The following DRC9 variants were observed in gnomAD, a reference collection of about 807,000 sequenced individuals.
The protein encoded by DRC9 is dynein regulatory complex subunit 9.
chr3:197,901,385 CT>C, the DRC9 span, among the ~76,000 whole-genome samples: 1 of 152,204 alleles, frequency 6.6e-6, no homozygotes, highest in African/African-American at 2.4e-5. The surrounding 1 kb of genome is among the most constrained non-coding windows in gnomAD (Gnocchi z 4.4). Context: ...TGATCCACCC[CT>C]CTCAGCCTCT....
chr3:197,955,619 C>A, the DRC9 span: 1 of 808,382 alleles, frequency 1.2e-6, no homozygotes, highest in Non-Finnish European at 2.2e-6. Context: ...AGACTGAAGG[C>A]TATAAAAACT....
chr3:197,891,662 T>A, the DRC9 span: 1 of 483,968 alleles, frequency 2.1e-6, no homozygotes, highest in African/African-American at 2.0e-5. Flanking sequence ...AATCTAAAGA[T>A]AAACCAAAGA....
At chr3:197,896,293 A>C in the DRC9 span, among the ~76,000 whole-genome samples, 3 of 152,084 alleles carry the variant, frequency 2.0e-5, no homozygotes, top group Admixed American at 6.6e-5. Flanking sequence ...TGGTGAGCCA[A>C]GATCGCACCA....
the DRC9 span, chr3:197,938,803 GAAAGA>G: frequency 6.5e-7 from 1 of 1,547,690 alleles, no homozygotes; most frequent in Non-Finnish European, 8.9e-7. Context: ...TAAACAATTA[GAAAGA>G]ATTTTTTTAA....
At chr3:197,938,951 T>C in the DRC9 span, 2 of 603,300 alleles carry the variant, frequency 3.3e-6, no homozygotes. Context: ...TGCTGCTAAC[T>C]TCACACAACA....
the DRC9 span, among the ~76,000 whole-genome samples, chr3:197,918,967 C>T: frequency 2.0e-5 from 3 of 152,144 alleles, no homozygotes; most frequent in Non-Finnish European, 4.4e-5. Flanking sequence ...TGCCACTACG[C>T]TGGGCTAATT....
the DRC9 span, chr3:197,954,367 T>C: frequency 3.4e-6 from 2 of 587,512 alleles, no homozygotes; most frequent in Admixed American, 5.6e-5. Context: ...AGGGTCTCAC[T>C]TTGTCACCCA....
At chr3:197,908,209 A>G in the DRC9 span, among the ~76,000 whole-genome samples, 166 of 145,284 alleles carry the variant, frequency 1.1e-3, no homozygotes, top group African/African-American at 4.2e-3. Flanking sequence ...ACCCTCCCAG[A>G]TGAAGTTATC....
At chr3:197,901,248 C>T in the DRC9 span, among the ~76,000 whole-genome samples, 2 of 152,192 alleles carry the variant, frequency 1.3e-5, no homozygotes, top group African/African-American at 4.8e-5. This position sits in a 1 kb window ranked among gnomAD's most constrained non-coding sequence, Gnocchi z 4.4. Context: ...AAGCGAGTCT[C>T]CTGCCTCAGC....
the DRC9 span, among the ~76,000 whole-genome samples, chr3:197,955,505 G>A: frequency 6.6e-6 from 1 of 152,064 alleles, no homozygotes; most frequent in Non-Finnish European, 1.5e-5. Context: ...CTTAGGATCT[G>A]CCCGCCTAGG....
At chr3:197,889,624 C>G in the DRC9 span, 3 of 1,614,202 alleles carry the variant, frequency 1.9e-6, no homozygotes, top group Non-Finnish European at 2.5e-6. Flanking sequence ...TTACCTTTGC[C>G]TTTTGAATCC....
At chr3:197,938,909 C>T in the DRC9 span, 1 of 703,102 alleles carries the variant, frequency 1.4e-6, no homozygotes, top group Non-Finnish European at 2.4e-6. Context: ...AAATGTGCCC[C>T]TTTCTTCAGC....
chr3:197,933,503 T>A, the DRC9 span, among the ~76,000 whole-genome samples: 1 of 152,146 alleles, frequency 6.6e-6, no homozygotes, highest in African/African-American at 2.4e-5. Flanking sequence ...AAAATTTTTT[T>A]AAATGATTTA....
chr3:197,918,894 G>A, the DRC9 span, among the ~76,000 whole-genome samples: 5 of 151,836 alleles, frequency 3.3e-5, no homozygotes, highest in African/African-American at 9.7e-5. Flanking sequence ...TTGCAACTTC[G>A]GTCTCCCAGG....
chr3:197,939,509 T>G, the DRC9 span, among the ~76,000 whole-genome samples: 1 of 152,238 alleles, frequency 6.6e-6, no homozygotes, highest in Non-Finnish European at 1.5e-5. Context: ...TTTCAGCTGA[T>G]GGTGTAAACT....
chr3:197,895,253 T>C, the DRC9 span, among the ~76,000 whole-genome samples: 2 of 152,134 alleles, frequency 1.3e-5, no homozygotes, highest in Non-Finnish European at 2.9e-5. Flanking sequence ...TTTTTTGCAA[T>C]TCTATTTACA....
the DRC9 span, chr3:197,889,727 AG>A: frequency 1.2e-6 from 2 of 1,614,102 alleles, no homozygotes; most frequent in South Asian, 1.1e-5. Context: ...GGAAGAGAAA[AG>A]GGGAGTGAGT....
chr3:197,928,894 A>AC, the DRC9 span, among the ~76,000 whole-genome samples: 5 of 152,242 alleles, frequency 3.3e-5, no homozygotes, highest in Non-Finnish European at 4.4e-5. Flanking sequence ...AAGGCACTAC[A>AC]CATCTTCGAA....
the DRC9 span, chr3:197,959,069 T>A: frequency 6.6e-6 from 1 of 152,174 alleles, no homozygotes; most frequent in East Asian, 1.9e-4. Context: ...TGGCCGGGCG[T>A]GGTGGCGGGT....
Sources: gnomAD v4.1 joint callset for allele counts (sites outside exome capture counted in the v4.1 genomes callset) on GRCh38, gnomAD v4.1.1 for gene constraint, Gnocchi (gnomAD v3.1) non-coding constraint, MANE v1.5 for transcripts, NCBI Gene and HGNC (gene_info 2026-07-23, HGNC 2026-07-21) for gene names.